ANO3: variants seen among roughly 807,000 people sequenced by gnomAD.
The protein encoded by ANO3 is anoctamin 3.
In ANO3, 99 loss-of-function variants were observed where a neutral mutation model predicts 144.8. That is an observed-to-expected ratio of 0.68 (90% CI 0.58 to 0.81). The LOEUF (loss-of-function observed/expected upper bound fraction) is 0.81, where lower values mean the gene tolerates loss of function less well. ANO3 is among the 30% of genes least tolerant of loss of function. ANO3 has a pLI of 0.00. For missense variants in ANO3, 905 were observed against 1,202.2 expected, an observed-to-expected ratio of 0.75 and a Z score of 3.66; for synonymous variants, 414 against 392.6, an observed-to-expected ratio of 1.05 and a Z score of -0.64.
chr11:26,625,198 T>A (rs1398780048), intron 18 of ANO3, among the ~76,000 whole-genome samples: 1 of 152,244 alleles, frequency 6.6e-6, no homozygotes, highest in Non-Finnish European at 1.5e-5. Context: ...ATGCTGGGAT[T>A]ACAGGCGTGA....
intron 14 of ANO3, among the ~76,000 whole-genome samples, chr11:26,564,504 TTA>T (rs1016059601): frequency 5.4e-4 from 81 of 150,766 alleles, no homozygotes; most frequent in African/African-American, 1.7e-3. Flanking sequence ...TAAAACTTAG[TTA>T]TTTTTTTTCA....
At chr11:26,359,124 A>T (rs1186327179) in intron 1 of ANO3, among the ~76,000 whole-genome samples, 2 of 152,232 alleles carry the variant, frequency 1.3e-5, no homozygotes, top group Non-Finnish European at 2.9e-5. Flanking sequence ...TATATTGGAA[A>T]CCAGGCACTA....
At chr11:26,273,583 A>T (rs1029573637) in intron 1 of ANO3, among the ~76,000 whole-genome samples, 15 of 151,268 alleles carry the variant, frequency 9.9e-5, no homozygotes, top group African/African-American at 3.6e-4. Flanking sequence ...CCTTCACAGG[A>T]TTTACGACAG....
intron 11 of ANO3, among the ~76,000 whole-genome samples, chr11:26,544,325 C>G (rs1849732238): frequency 7.7e-6 from 1 of 129,404 alleles, no homozygotes; most frequent in African/African-American, 2.8e-5. Flanking sequence ...ATTTTCTTTA[C>G]CTGTAAGCCA....
intron 1 of ANO3, among the ~76,000 whole-genome samples, chr11:26,361,310 T>C (rs1193964102): frequency 1.3e-5 from 2 of 152,334 alleles, no homozygotes; most frequent in East Asian, 1.9e-4. Context: ...TTCAAAAATC[T>C]GATGTCATTT....
At chr11:26,594,734 G>A (rs2132908043) in intron 14 of ANO3, among the ~76,000 whole-genome samples, 1 of 152,228 alleles carries the variant, frequency 6.6e-6, no homozygotes, top group South Asian at 2.1e-4. Context: ...TAGACTCTGA[G>A]GGCTTCCTGT....
chr11:26,348,900 G>A (rs918881128), intron 1 of ANO3, among the ~76,000 whole-genome samples: 1 of 152,226 alleles, frequency 6.6e-6, no homozygotes, highest in South Asian at 2.1e-4. Context: ...TGGGAAAGAA[G>A]AACCCTTGCC....
intron 1 of ANO3, among the ~76,000 whole-genome samples, chr11:26,408,974 G>A (rs1296704588): frequency 4.0e-5 from 6 of 151,502 alleles, no homozygotes; most frequent in African/African-American, 1.2e-4. Flanking sequence ...GGGGACTGTT[G>A]TGGGGTGGGG....
intron 1 of ANO3, among the ~76,000 whole-genome samples, chr11:26,341,504 A>G (rs1277743550): frequency 2.0e-5 from 3 of 152,212 alleles, no homozygotes; most frequent in African/African-American, 7.2e-5. Context: ...CATTTTTTAA[A>G]GTATTTTGCT....
At chr11:26,301,144 G>A (rs151328148) in intron 1 of ANO3, among the ~76,000 whole-genome samples, 2 of 134,170 alleles carry the variant, frequency 1.5e-5, no homozygotes, top group African/African-American at 3.3e-5. Flanking sequence ...GAGCCACCAC[G>A]CCCAGCCTCT....
At chr11:26,548,566 T>G (rs537228739) in intron 12 of ANO3, among the ~76,000 whole-genome samples, 54 of 151,558 alleles carry the variant, frequency 3.6e-4, no homozygotes, top group South Asian at 8.3e-4. Context: ...TGAATTTTCT[T>G]TAACAAATAT....
intron 4 of ANO3, among the ~76,000 whole-genome samples, chr11:26,481,022 A>G (rs908944783): frequency 9.9e-5 from 15 of 152,064 alleles, no homozygotes; most frequent in African/African-American, 3.6e-4. Flanking sequence ...AATAATACAC[A>G]CCTCAATGGG....
intron 14 of ANO3, among the ~76,000 whole-genome samples, chr11:26,589,318 G>A (rs1851376197): frequency 7.1e-6 from 1 of 140,502 alleles, no homozygotes; most frequent in African/African-American, 2.5e-5. Flanking sequence ...GTAAGAAAAT[G>A]CAACTATGAA....
chr11:26,430,247 T>TTA (rs1858044015), intron 1 of ANO3, among the ~76,000 whole-genome samples: 1 of 144,966 alleles, frequency 6.9e-6, no homozygotes, highest in Non-Finnish European at 1.5e-5. Context: ...AGCAACTGTC[T>TTA]AAAAAAAAAA....
At chr11:26,563,261 A>G (rs1206051843) in intron 14 of ANO3, 18 of 1,595,860 alleles carry the variant, frequency 1.1e-5, no homozygotes, top group African/African-American at 2.7e-5. Context: ...CTGTATTTCT[A>G]TTTTCTACAG....
chr11:26,271,933 C>A (rs1455471155), intron 1 of ANO3, among the ~76,000 whole-genome samples: 1 of 152,020 alleles, frequency 6.6e-6, no homozygotes, highest in Non-Finnish European at 1.5e-5. Flanking sequence ...GGGCTAGCAG[C>A]AATGTTTAGT....
rs144996243 is a variant in ANO3 at position 26,221,222 on chromosome 11, T to C, written c.154+31892T>C. 1.1e-4 allele frequency among the ~76,000 whole-genome samples: 16 copies of C among 152,340 alleles called. No individual in the cohort carries two copies. The East Asian group carries it at 3.1e-3, about 29-fold the overall frequency. ...GTGTAGCTGTGATGTTTTGCTATCA[T>C]AGGCCAGGAAAGTTAAAACAGGGCA... is the stretch of plus-strand genomic sequence containing the variant. On this transcript the variant is annotated intron_variant, in intron 1 of 27. Coordinates refer to the ANO3 transcript ENST00000672621.
At chr11:26,567,127 C>G in intron 14 of ANO3, 1 of 1,434,650 alleles carries the variant, frequency 7.0e-7, no homozygotes, top group Non-Finnish European at 9.2e-7. Context: ...CTCACAATGG[C>G]TAGTAACAGA....
intron 14 of ANO3, chr11:26,565,674 A>G: frequency 6.2e-7 from 1 of 1,606,148 alleles, no homozygotes; most frequent in Non-Finnish European, 8.5e-7. Flanking sequence ...TGAGGTGGTT[A>G]TATTTTCTTT....
Sources: gnomAD v4.1 joint callset for allele counts (sites outside exome capture counted in the v4.1 genomes callset) on GRCh38, gnomAD v4.1.1 for gene constraint, MANE v1.5 for transcripts, NCBI Gene and HGNC (gene_info 2026-07-23, HGNC 2026-07-21) for gene names.